Variants in ITGA9 observed in about 807,000 individuals in gnomAD.
ITGA9 encodes the protein integrin alpha-9.
In ITGA9, 56 loss-of-function variants were observed where a neutral mutation model predicts 127.8. That is an observed-to-expected ratio of 0.44 (90% CI 0.35 to 0.55). ITGA9 has a LOEUF of 0.55. Among genes scored for constraint, ITGA9 ranks in the 20% least tolerant of loss-of-function variants. The probability of loss-of-function intolerance (pLI) is 0.00; values close to 1 mark genes in which losing one functional copy is unlikely to be tolerated. For synonymous variants in ITGA9, 508 were observed against 514.5 expected (o/e 0.99, Z 0.17); for missense variants, 1,196 against 1,347.1 (o/e 0.89, Z 1.76).
At chr3:37,594,251 T>C (rs1021391500) in intron 15 of ITGA9, among the ~76,000 whole-genome samples, 1 of 152,186 alleles carries the variant, frequency 6.6e-6, no homozygotes, top group Admixed American at 6.5e-5. Flanking sequence ...TCTTCATTAA[T>C]GTACGTTTAT....
At chr3:37,574,937 C>G (rs1038576199) in intron 15 of ITGA9, among the ~76,000 whole-genome samples, 1 of 152,162 alleles carries the variant, frequency 6.6e-6, no homozygotes, top group Non-Finnish European at 1.5e-5. Flanking sequence ...AGACCCTGCC[C>G]TGGAATTGCT....
At chr3:37,569,740 AC>A (rs1575153347) in intron 15 of ITGA9, among the ~76,000 whole-genome samples, 1 of 152,156 alleles carries the variant, frequency 6.6e-6, no homozygotes, top group Non-Finnish European at 1.5e-5. Context: ...CACAGTTAAA[AC>A]TTTTATTTCA....
intron 8 of ITGA9, 126 bp from the exon 9 acceptor site, chr3:37,513,637 C>T: frequency 2.2e-6 from 2 of 921,802 alleles, no homozygotes; most frequent in Non-Finnish European, 3.2e-6. Flanking sequence ...CTTCCTGTGT[C>T]CATGTGTTCT....
At position 37,822,954 on chromosome 3, in the gene ITGA9, A is replaced by G. The variant is rs1697531443; in HGVS notation, c.*3965A>G. ...TTTAGTAGACAAAAGGCAGAAAGTG[A>G]GCATCATTTCAGAAATGCTTTAGTA... On this transcript the variant is annotated 3_prime_UTR_variant, in exon 28 of 28. Transcript: ENST00000264741. The G allele has an allele frequency of 6.6e-6, 1 of 152,220 alleles. No homozygotes were observed. 9.4% of individuals were successfully genotyped at this position (152,220 alleles called of 1,614,324 possible). A position where few individuals can be genotyped will look rare whatever the true frequency, so the allele number is the denominator to read the frequency against.
chr3:37,663,089 C>G (rs1700553764), intron 17 of ITGA9, among the ~76,000 whole-genome samples: 3 of 152,166 alleles, frequency 2.0e-5, no homozygotes, highest in Admixed American at 6.5e-5. Context: ...CTTTAATGGG[C>G]TTGAGTCCAG....
intron 13 of ITGA9, 75 bp from the exon 14 acceptor site, chr3:37,533,239 G>A: frequency 4.5e-6 from 6 of 1,323,266 alleles, no homozygotes; most frequent in Non-Finnish European, 4.4e-6. Context: ...GATTTATCCT[G>A]TTGGTCTAGT....
intron 16 of ITGA9, among the ~76,000 whole-genome samples, chr3:37,647,452 A>ATT (rs1424453525): frequency 1.5e-5 from 2 of 129,096 alleles, no homozygotes; most frequent in African/African-American, 6.4e-5. Flanking sequence ...TGCCTAACAT[A>ATT]GTTTTTTTTT....
intron 18 of ITGA9, among the ~76,000 whole-genome samples, chr3:37,701,307 A>G (rs967797616): frequency 6.6e-6 from 1 of 152,240 alleles, no homozygotes; most frequent in Non-Finnish European, 1.5e-5. Context: ...TATCCCCAGA[A>G]GCAAACCCTG....
chr3:37,725,355 AG>A (rs1212661834), intron 18 of ITGA9, among the ~76,000 whole-genome samples: 1 of 152,216 alleles, frequency 6.6e-6, no homozygotes, highest in African/African-American at 2.4e-5. Flanking sequence ...GTGTGAATCT[AG>A]TACATGGAAG....
chr3:37,551,042 T>C (rs1350352078), intron 15 of ITGA9, among the ~76,000 whole-genome samples: 1 of 152,210 alleles, frequency 6.6e-6, no homozygotes, highest in African/African-American at 2.4e-5. Flanking sequence ...TTTTTCTTTC[T>C]TGTTTCCTGT....
chr3:37,600,358 A>G (rs550499544), intron 15 of ITGA9, among the ~76,000 whole-genome samples: 1 of 152,170 alleles, frequency 6.6e-6, no homozygotes, highest in Admixed American at 6.5e-5. Context: ...TGGGATGTCA[A>G]GCCCCTTCCC....
intron 16 of ITGA9, among the ~76,000 whole-genome samples, chr3:37,644,011 A>G (rs963818701): frequency 7.9e-5 from 12 of 152,162 alleles, no homozygotes; most frequent in Non-Finnish European, 1.6e-4. Context: ...AACAGCAACT[A>G]AAAAAGAAAA....
chr3:37,746,796 T>C (rs1696506664), intron 22 of ITGA9, among the ~76,000 whole-genome samples: 1 of 152,234 alleles, frequency 6.6e-6, no homozygotes, highest in African/African-American at 2.4e-5. Context: ...ACTCATCTGC[T>C]CTATCAGTTT....
chr3:37,744,963 A>G (rs1302231611), intron 22 of ITGA9, among the ~76,000 whole-genome samples: 1 of 152,122 alleles, frequency 6.6e-6, no homozygotes, highest in Non-Finnish European at 1.5e-5. Flanking sequence ...GATGGGCCCA[A>G]CTCACCCATA....
intron 17 of ITGA9, among the ~76,000 whole-genome samples, chr3:37,674,706 C>A (rs75011680): frequency 0.013 from 2,012 of 152,286 alleles, 52 homozygotes; most frequent in African/African-American, 0.046. Context: ...GTACAGCTCC[C>A]CTGGTGCAAC....
chr3:37,495,902 G>A (rs947091044), intron 5 of ITGA9, among the ~76,000 whole-genome samples: 4 of 152,124 alleles, frequency 2.6e-5, no homozygotes, highest in South Asian at 2.1e-4. Flanking sequence ...TTCTGACTCC[G>A]AGGCTTCCCA....
chr3:37,639,597 G>C (rs1700313166), intron 16 of ITGA9, among the ~76,000 whole-genome samples: 1 of 152,206 alleles, frequency 6.6e-6, no homozygotes. Flanking sequence ...TTCACTGGCT[G>C]AGGAGTTGGA....
chr3:37,751,344 T>G (rs1696583652), intron 23 of ITGA9, among the ~76,000 whole-genome samples: 1 of 152,198 alleles, frequency 6.6e-6, no homozygotes, highest in African/African-American at 2.4e-5. Flanking sequence ...TGGTTGGAAC[T>G]TAGCATGAGG....
chr3:37,668,372 A>T (rs1700605458), intron 17 of ITGA9, among the ~76,000 whole-genome samples: 1 of 152,198 alleles, frequency 6.6e-6, no homozygotes, highest in Admixed American at 6.5e-5. Flanking sequence ...GCTTCCAAAC[A>T]TAGCCATCCA....
Sources: allele counts gnomAD v4.1 joint callset (sites outside exome capture counted in the v4.1 genomes callset), GRCh38; gene constraint gnomAD v4.1.1; transcripts MANE v1.5; gene names NCBI Gene and HGNC (gene_info 2026-07-23, HGNC 2026-07-21).